The following CNTNAP3 variants were observed in gnomAD, a reference collection of about 807,000 sequenced individuals.
CNTNAP3 encodes contactin-associated protein-like 3.
Under a neutral mutation model 92.1 loss-of-function variants are expected in CNTNAP3, and 36 were observed. That is an observed-to-expected ratio of 0.39 (90% CI 0.30 to 0.52). CNTNAP3 has a LOEUF of 0.52. Among genes scored for constraint, CNTNAP3 ranks in the 20% least tolerant of loss-of-function variants. The probability of loss-of-function intolerance (pLI) is 0.76; values close to 1 mark genes in which losing one functional copy is unlikely to be tolerated. For missense variants in CNTNAP3, 534 were observed against 1,069.6 expected, an observed-to-expected ratio of 0.50 and a Z score of 6.98; for synonymous variants, 232 against 422.3, an observed-to-expected ratio of 0.55 and a Z score of 5.53.
intron 14 of CNTNAP3, among the ~76,000 whole-genome samples, chr9:39,109,573 A>T (rs922460648): frequency 6.6e-6 from 1 of 152,190 alleles, no homozygotes; most frequent in African/African-American, 2.4e-5. Flanking sequence ...CCACAGACAC[A>T]GGCATGGCTG....
rs201118294 is a variant in CNTNAP3 at position 39,103,713 on chromosome 9, C to T, written c.2536+31G>A. The T allele has an allele frequency of 1.3e-3, 2,054 of 1,587,798 alleles. 33 individuals carry two copies. The highest frequency in any genetic ancestry group is 0.011 in the South Asian group (912 of 80,412). ...AGCTTTTATTGCTAAATAATGGGTA[C>T]CCTGTGACTTGTCCAGAGTGGCGAG... On this transcript the variant is annotated intron_variant, in intron 16 of 23. Coordinates refer to ENST00000297668, the MANE Select transcript of CNTNAP3 (RefSeq NM_033655.5).
intron 14 of CNTNAP3, 139 bp from the exon 15 acceptor site, chr9:39,109,426 C>A: frequency 7.2e-7 from 1 of 1,392,516 alleles, no homozygotes; most frequent in Non-Finnish European, 9.7e-7. Context: ...TTTGAGAGCA[C>A]AGAGACTACC....
At chr9:39,150,124 G>A (rs563237200) in intron 9 of CNTNAP3, 147 bp from the exon 10 acceptor site, 28,394 of 629,022 alleles carry the variant, frequency 0.045, 764 homozygotes, top group Non-Finnish European at 0.06. Flanking sequence ...GAGGTGAGAA[G>A]GGGCAAGGTT....
chr9:39,109,103 C>T (rs1563880598), intron 15 of CNTNAP3, 57 bp downstream of exon 15: 1 of 1,573,086 alleles, frequency 6.4e-7, no homozygotes, highest in Non-Finnish European at 8.6e-7. Context: ...TTTGTCTACT[C>T]TTTTATAACC....
chr9:39,118,294 T>C, intron 13 of CNTNAP3, 35 bp from the exon 14 acceptor site: 1 of 1,612,710 alleles, frequency 6.2e-7, no homozygotes, highest in South Asian at 1.1e-5. Flanking sequence ...GACATCTACT[T>C]TGTCCCTCAC....
chr9:39,105,006 C>T (rs1016885691), intron 15 of CNTNAP3, among the ~76,000 whole-genome samples: 16 of 152,290 alleles, frequency 1.1e-4, no homozygotes, highest in Admixed American at 9.8e-4. Context: ...TTAAAAATTT[C>T]TTCATCCAAT....
Position 39,077,851 on chromosome 9 carries a change from G to A in CNTNAP3, c.3745+534C>T, listed in dbSNP as rs3011143. On this transcript the variant is annotated intron_variant, in intron 23 of 23. Coordinates refer to ENST00000297668, the MANE Select transcript of CNTNAP3 (RefSeq NM_033655.5). The stretch of plus-strand genomic sequence containing the variant: ...ACTGTTCTTCAAAAAAAATTGTTTC[G>A]GCAGAATTCTTACATGCTGAGAACC... 7.6e-4 allele frequency among the ~76,000 whole-genome samples: 115 copies of A among 151,662 alleles called. 1 individual carries two copies. The highest frequency in any genetic ancestry group is 2.6e-3 in the African/African-American group (106 of 41,284).
intron 12 of CNTNAP3, among the ~76,000 whole-genome samples, chr9:39,136,163 T>TAATAATAATAAA (rs1821428012): frequency 7.1e-6 from 1 of 141,422 alleles, no homozygotes; most frequent in South Asian, 2.2e-4. Context: ...ATAATAATAA[T>TAATAATAATAAA]AAAAATAATA....
rs917229246 is a variant in CNTNAP3 at position 39,067,777 on chromosome 9, TC to T, written c.*6112del. 6.6e-6 allele frequency among the ~76,000 whole-genome samples: 1 copy of T among 152,308 alleles called. No homozygotes were observed. On this transcript the variant is annotated 3_prime_UTR_variant, in exon 24 of 24. Transcript: ENST00000297668. Reference sequence around the variant, plus strand: ...CAATTAGTTATTGGAAACGGTTTGATCTTTTTTTCCAAATCTTTGAAGATTT... The same window carrying T: ...CAATTAGTTATTGGAAACGGTTTGATTTTTTTTCCAAATCTTTGAAGATTT...
chr9:39,095,682 C>T (rs11788341), intron 18 of CNTNAP3, among the ~76,000 whole-genome samples: 1 of 130,242 alleles, frequency 7.7e-6, no homozygotes, highest in Admixed American at 7.3e-5. Flanking sequence ...AATCCTACTA[C>T]GTTTTGGTAT....
At chr9:39,113,995 CACACACATATATAT>C (rs200670702) in intron 14 of CNTNAP3, among the ~76,000 whole-genome samples, 3,635 of 145,878 alleles carry the variant, frequency 0.025, 125 homozygotes, top group African/African-American at 0.073. Flanking sequence ...TATATATACA[CACACACATATATAT>C]ACACACATAT....
At position 39,069,565 on chromosome 9, in the gene CNTNAP3, G is replaced by A; in HGVS notation, c.*4325C>T. On this transcript the variant is annotated 3_prime_UTR_variant, in exon 24 of 24. Coordinates refer to ENST00000297668, the MANE Select transcript of CNTNAP3 (RefSeq NM_033655.5). Reference sequence around the variant, plus strand: ...ATAAAATGCAAAAATATAATTTTAGGTCATAACCTATAGGCAATAAACTAT... The same window carrying A: ...ATAAAATGCAAAAATATAATTTTAGATCATAACCTATAGGCAATAAACTAT... Among the ~76,000 whole-genome samples the A allele has an allele frequency of 9.2e-6, 1 of 108,378 alleles. No individual in the cohort carries two copies. 71.1% of individuals were successfully genotyped at this position (108,378 alleles called of 152,430 possible).
At chr9:39,117,711 T>C (rs375624947) in intron 14 of CNTNAP3, among the ~76,000 whole-genome samples, 8 of 152,188 alleles carry the variant, frequency 5.3e-5, no homozygotes, top group South Asian at 4.1e-4. Flanking sequence ...AAAAGAAAGA[T>C]AGAATATGCA....
intron 13 of CNTNAP3, among the ~76,000 whole-genome samples, chr9:39,123,240 G>T (rs937980098): frequency 6.6e-6 from 1 of 151,704 alleles, no homozygotes; most frequent in African/African-American, 2.4e-5. Flanking sequence ...GACTACAGGC[G>T]CCCGCCACCA....
At chr9:39,130,586 G>T (rs890618773) in intron 13 of CNTNAP3, among the ~76,000 whole-genome samples, 1 of 146,434 alleles carries the variant, frequency 6.8e-6, no homozygotes, top group African/African-American at 2.6e-5. Flanking sequence ...CTCACTGCAA[G>T]CTCCACCTCC....
intron 19 of CNTNAP3, among the ~76,000 whole-genome samples, chr9:39,088,082 A>C (rs1487231535): frequency 1.2e-4 from 19 of 152,154 alleles, no homozygotes; most frequent in Admixed American, 8.5e-4. Flanking sequence ...TGAGGAGGGA[A>C]TGTATGTCAT....
At chr9:39,079,101 C>A (rs781127946) in intron 21 of CNTNAP3, among the ~76,000 whole-genome samples, 181 bp from the exon 22 acceptor site, 2 of 152,102 alleles carry the variant, frequency 1.3e-5, no homozygotes, top group African/African-American at 2.4e-5. Flanking sequence ...GCAACTATTT[C>A]CATTGTCAGG....
At chr9:39,121,841 T>A (rs779918504) in intron 13 of CNTNAP3, among the ~76,000 whole-genome samples, 126 of 152,224 alleles carry the variant, frequency 8.3e-4, no homozygotes, top group Non-Finnish European at 1.3e-3. Context: ...ATTTTTGAAA[T>A]AAGCGCAGAA....
At chr9:39,174,288 T>A (rs530430163) in intron 7 of CNTNAP3, 1 of 267,584 alleles carries the variant, frequency 3.7e-6, no homozygotes, top group African/African-American at 3.0e-5. Flanking sequence ...CCTTTGGTGT[T>A]TCCTTTTTCA....
Sources: gnomAD v4.1 joint callset for allele counts (sites outside exome capture counted in the v4.1 genomes callset) on GRCh38, gnomAD v4.1.1 for gene constraint, MANE v1.5 for transcripts, NCBI Gene and HGNC (gene_info 2026-07-23, HGNC 2026-07-21) for gene names.